NLRC3: variants seen among roughly 807,000 people sequenced by gnomAD.
NLRC3 encodes the protein NLR family CARD domain containing 3, also known as NLR family CARD domain-containing protein 3.
A neutral mutation model predicts 91.6 loss-of-function variants in NLRC3; 87 were observed. The observed-to-expected ratio is 0.95, with a 90% confidence interval of 0.80 to 1.14. The LOEUF is 1.14. Among genes scored for constraint, NLRC3 ranks in the 50% most tolerant of loss-of-function variants. The pLI is 0.00. For missense variants in NLRC3, 1,577 were observed against 1,418.6 expected, an observed-to-expected ratio of 1.11 and a Z score of -1.79; for synonymous variants, 694 against 625.3, an observed-to-expected ratio of 1.11 and a Z score of -1.64.
Position 3,563,279 on chromosome 16 carries a change from C to G in NLRC3, c.1658G>C (p.Cys553Ser). The G allele has an allele frequency of 2.5e-6, 4 of 1,604,236 alleles. No individual in the cohort carries two copies. Among genetic ancestry groups the G allele is most frequent in the Non-Finnish European group, 3.4e-6 (4 of 1,176,724 alleles). Residue 553 changes from cysteine to serine, a missense_variant, in exon 5 of 20, where the codon TGC becomes TCC. By Grantham distance (112) the Cys-to-Ser change is moderately radical (BLOSUM62 -1). Transcript: ENST00000359128. ...ACAGACTGCGGCATCGGGGCGCAGG[C>G]AGCCCTGCAGGAGCTCAGCCACCTG... The part of the protein sequence containing the change: ...RTQVAELLQG[C>S]LRPDAAVCAR...
At chr16:3,557,501 G>T in intron 7 of NLRC3, 92 bp downstream of exon 7, 1 of 743,372 alleles carries the variant, frequency 1.3e-6, no homozygotes, top group South Asian at 1.6e-5. Context: ...TAAGACCCAA[G>T]TCATTTCCTA....
chr16:3,561,877 C>G, intron 5 of NLRC3, 89 bp from the exon 6 acceptor site: 1 of 859,126 alleles, frequency 1.2e-6, no homozygotes, highest in South Asian at 1.3e-5. Flanking sequence ...TCTCTCCATC[C>G]CATGCAGCGC....
chr16:3,539,058 G>C lies in NLRC3; in HGVS notation c.*2767C>G, dbSNP rs748325876. ...TTTTTCAAATACTCAATTTTTATTG[G>C]TAGTAGTTATCAAGAACAAAGTCCT... On this transcript the variant is annotated 3_prime_UTR_variant, in exon 20 of 20. Transcript: ENST00000359128. The C allele has an allele frequency of 1.1e-4, 17 of 152,164 alleles. No individual in the cohort carries two copies. Among genetic ancestry groups the C allele is most frequent in the Non-Finnish European group, 1.9e-4 (13 of 68,034 alleles). The allele number at this position is 152,164 out of a possible 1,614,324, so 9.4% of individuals were successfully genotyped here. A position where few individuals can be genotyped will look rare whatever the true frequency, so the allele number is the denominator to read the frequency against.
intron 18 of NLRC3, 97 bp downstream of exon 18, chr16:3,542,595 G>T: frequency 2.8e-6 from 2 of 719,234 alleles, no homozygotes; most frequent in Non-Finnish European, 2.4e-6. Context: ...GAAGGAAATA[G>T]CTACAGAAGA....
intron 16 of NLRC3, chr16:3,543,943 C>A: frequency 5.4e-6 from 2 of 369,092 alleles, no homozygotes; most frequent in South Asian, 6.9e-5. Context: ...CACCTGAAGT[C>A]AGGAGTTTGA....
chr16:3,561,916 A>C (rs2039633265), intron 5 of NLRC3, 128 bp from the exon 6 acceptor site: 1 of 681,794 alleles, frequency 1.5e-6, no homozygotes, highest in Non-Finnish European at 2.6e-6. Context: ...ATCTGCGCTC[A>C]GCCCCAGTGC....
intron 15 of NLRC3, among the ~76,000 whole-genome samples, chr16:3,546,909 A>G (rs891048401): frequency 2.6e-5 from 4 of 152,142 alleles, no homozygotes; most frequent in Non-Finnish European, 5.9e-5. Context: ...AGAGCCAAAC[A>G]GAAGAAAAGA....
chr16:3,556,824 A>C (rs2039359285), intron 8 of NLRC3, 87 bp downstream of exon 8: 1 of 871,074 alleles, frequency 1.1e-6, no homozygotes, highest in African/African-American at 1.7e-5. Flanking sequence ...ATTGTGAATC[A>C]CCTCCCATTC....
intron 8 of NLRC3, chr16:3,555,683 C>G (rs1157001397): frequency 7.9e-5 from 12 of 151,970 alleles, no homozygotes; most frequent in Admixed American, 7.9e-4. Context: ...CAACCTCAGC[C>G]TCCTGAGTAG....
intron 6 of NLRC3, among the ~76,000 whole-genome samples, chr16:3,559,816 A>AT (rs1314106012): frequency 6.6e-6 from 1 of 151,282 alleles, no homozygotes; most frequent in East Asian, 2.0e-4. Context: ...TAATTTTTGT[A>AT]TTTTTTAGTA....
Position 3,577,173 on chromosome 16 carries a change from G to C in NLRC3, c.-193C>G. 5.7e-6 allele frequency: 4 copies of C among 703,048 alleles called. No homozygotes were observed. The highest frequency in any genetic ancestry group is 1.0e-5 in the Non-Finnish European group (4 of 385,004). 43.6% of individuals were successfully genotyped at this position (703,048 alleles called of 1,614,324 possible). ...CCTCCCGGGCCTCGATGCTGCTCCA[G>C]GGACAGCAAGACTGGGGGGCCTGGG... On this transcript the variant is annotated 5_prime_UTR_variant, in exon 1 of 20. Coordinates refer to ENST00000359128, the MANE Select transcript of NLRC3 (RefSeq NM_178844.4).
Position 3,564,918 on chromosome 16 carries a change from G to A in NLRC3, c.119C>T (p.Ser40Phe), listed in dbSNP as rs766682147. 4.3e-6 allele frequency: 7 copies of A among 1,610,176 alleles called. No homozygotes were observed. In the African/African-American group the frequency reaches 9.3e-5, roughly 21 times the overall value. The change falls in exon 4 of 20, where the codon TCC becomes TTC. Residue 40 changes from serine to phenylalanine, a missense_variant. Physicochemically the swap from Ser to Phe is radical, Grantham distance 155. Coordinates refer to ENST00000359128, the MANE Select transcript of NLRC3 (RefSeq NM_178844.4). The surrounding 1 kb of genome is among the most constrained non-coding windows in gnomAD (Gnocchi z 5.9). ...DLLAGKGSQG[S>F]QAPQALDRTP... ...CCTATCCAGGGCCTGCGGGGCCTGG[G>A]AGCCTTGACTGCCCTTCCCAGCCAG...
intron 3 of NLRC3, 105 bp downstream of exon 3, chr16:3,565,214 T>C: frequency 2.9e-6 from 2 of 698,522 alleles, no homozygotes; most frequent in South Asian, 3.1e-5. Context: ...GAGAATGGAC[T>C]GGAAGGGCCA....
At chr16:3,569,392 A>ATTTTT (rs201744035) in intron 1 of NLRC3, among the ~76,000 whole-genome samples, 1 of 55,538 alleles carries the variant, frequency 1.8e-5, no homozygotes, top group Non-Finnish European at 3.0e-5. Context: ...ATATATATAT[A>ATTTTT]TATTATTTTT....
intron 3 of NLRC3, 62 bp from the exon 4 acceptor site, chr16:3,565,122 G>C: frequency 7.6e-7 from 1 of 1,309,094 alleles, no homozygotes; most frequent in Non-Finnish European, 1.1e-6. Context: ...CCTGGGACAG[G>C]TGAGCAAGTC....
rs1004969751 is a variant in NLRC3 at position 3,563,843 on chromosome 16, G to T, written c.1094C>A (p.Ser365Ter). ...WPPRTLCELY[S>*]WYFRMALSGE... ...GCTGAGGGCCATCCTAAAGTACCAT[G>T]AGTAGAGCTCGCACAGGGTCCTCGG... is the stretch of plus-strand genomic sequence containing the variant. Residue 365 changes from serine (S) to a stop codon, truncating the protein, a stop_gained, in exon 5 of 20, where the codon TCA becomes TAA. Transcript: ENST00000359128. LOFTEE classifies it high-confidence loss of function. 2 of 1,607,466 alleles carry T rather than the reference G, an allele frequency of 1.2e-6. No individual in the cohort carries two copies. The highest frequency in any genetic ancestry group is 2.7e-5 in the African/African-American group (2 of 74,810).
In NLRC3 at chr16:3,549,776, G is replaced by A. The variant is rs767966164; in HGVS notation, c.2440C>T (p.Gln814Ter). ...VNQGLESLDLQSNSISDAGVA... is the reference protein window; with the variant it reads ...VNQGLESLDL ...CCTGCGTCACTGATGGAATTGCTCT[G>A]CAGGCTGCGGAAAGAGGAGGCGCCC... Residue 814 changes from glutamine (Q) to a stop codon, truncating the protein, a stop_gained, in exon 12 of 20, where the codon CAG (glutamine) becomes TAG (stop). Coordinates refer to ENST00000359128, the MANE Select transcript of NLRC3 (RefSeq NM_178844.4). LOFTEE classifies it high-confidence loss of function. The A allele has an allele frequency of 6.5e-7, 1 of 1,550,216 alleles. No individual in the cohort carries two copies. The highest frequency in any genetic ancestry group is 1.2e-5 in the South Asian group (1 of 84,024).
intron 7 of NLRC3, 106 bp downstream of exon 7, chr16:3,557,487 C>G (rs1410454367): frequency 1.5e-6 from 1 of 662,914 alleles, no homozygotes; most frequent in African/African-American, 1.8e-5. Context: ...GAAGAACAGA[C>G]AGGTAAGACC....
At chr16:3,565,444 C>T (rs1350374084) in intron 2 of NLRC3, 64 bp from the exon 3 acceptor site, 1 of 269,230 alleles carries the variant, frequency 3.7e-6, no homozygotes, top group East Asian at 1.7e-4. Flanking sequence ...AAAGAAGGTA[C>T]TCTGTTGGAA....
Sources: gnomAD v4.1 joint callset for allele counts (sites outside exome capture counted in the v4.1 genomes callset) on GRCh38, gnomAD v4.1.1 for gene constraint, Gnocchi (gnomAD v3.1) non-coding constraint, MANE v1.5 for transcripts, NCBI Gene and HGNC (gene_info 2026-07-23, HGNC 2026-07-21) for gene names.